FAT4: variants seen among roughly 807,000 people sequenced by gnomAD.
FAT4 encodes protocadherin Fat 4.
Under a neutral mutation model 303.9 loss-of-function variants are expected in FAT4, and 84 were observed. That is an observed-to-expected ratio of 0.28 (90% CI 0.23 to 0.33). FAT4 has a LOEUF of 0.33. FAT4 is among the 10% of genes least tolerant of loss of function. The pLI, the probability that FAT4 is intolerant of heterozygous loss-of-function variation, is 1.00. For synonymous variants in FAT4, 2,307 were observed against 2,298.8 expected (o/e 1.00, Z -0.10); for missense variants, 6,005 against 6,146.8 (o/e 0.98, Z 0.77).
At chr4:125,348,858 G>A (rs1732106351) in intron 2 of FAT4, among the ~76,000 whole-genome samples, 1 of 151,636 alleles carries the variant, frequency 6.6e-6, no homozygotes, top group African/African-American at 2.4e-5. Context: ...GAAAACTGCA[G>A]GCATATTTTA....
chr4:125,456,111 CG>C (rs1237781745), intron 10 of FAT4, among the ~76,000 whole-genome samples: 4 of 152,090 alleles, frequency 2.6e-5, no homozygotes, highest in Non-Finnish European at 5.9e-5. Flanking sequence ...ACTTGAACCC[CG>C]CTGGAAGGGA....
chr4:125,477,648 G>C (rs999608760), intron 14 of FAT4, among the ~76,000 whole-genome samples: 1 of 151,452 alleles, frequency 6.6e-6, no homozygotes, highest in Non-Finnish European at 1.5e-5. Context: ...TATAAAAAAG[G>C]GTTCCAGCAC....
chr4:125,367,811 T>C (rs571389655), intron 2 of FAT4, among the ~76,000 whole-genome samples: 2 of 152,244 alleles, frequency 1.3e-5, no homozygotes, highest in East Asian at 3.9e-4. Context: ...TACTGCAAAA[T>C]AGTATATGCA....
At chr4:125,422,893 A>T (rs1026602250) in intron 7 of FAT4, among the ~76,000 whole-genome samples, 7 of 152,166 alleles carry the variant, frequency 4.6e-5, no homozygotes, top group South Asian at 2.1e-4. Flanking sequence ...ATGGAAAATG[A>T]AGTCCAGGCT....
chr4:125,404,548 A>T (rs1345520551), intron 3 of FAT4, among the ~76,000 whole-genome samples: 1 of 152,124 alleles, frequency 6.6e-6, no homozygotes, highest in African/African-American at 2.4e-5. Context: ...TATTCATTTG[A>T]TACGCTTTTA....
intron 15 of FAT4, 25 bp downstream of exon 15, chr4:125,479,890 C>CA: frequency 6.7e-7 from 1 of 1,486,262 alleles, no homozygotes; most frequent in Admixed American, 1.9e-5. Context: ...CCGTCTTCCC[C>CA]TGGAAATTTT....
chr4:125,398,751 G>T (rs1238679072), intron 2 of FAT4, 33 bp from the exon 3 acceptor site: 10 of 1,609,554 alleles, frequency 6.2e-6, no homozygotes, highest in Non-Finnish European at 7.6e-6. Context: ...ACACGTGGGA[G>T]TCATTCACAC....
Position 125,450,924 on chromosome 4 carries a change from A to T in FAT4, c.9914A>T (p.Tyr3305Phe). Residue 3305 changes from tyrosine (Y) to phenylalanine (F), a missense_variant, in exon 10 of 18, where the codon TAC (tyrosine) becomes TTC (phenylalanine). Transcript: ENST00000394329. ...EYVPRFVSKLYYFEISEAAPK... is the reference protein window; with the variant it reads ...EYVPRFVSKLFYFEISEAAPK... Reference sequence around the variant, plus strand: ...GTGCCCCGTTTTGTTTCCAAACTTTACTATTTTGAAATCTCAGAAGCAGCT... The same window carrying T: ...GTGCCCCGTTTTGTTTCCAAACTTTTCTATTTTGAAATCTCAGAAGCAGCT... The T allele has an allele frequency of 6.2e-7, 1 of 1,614,088 alleles. No homozygotes were observed. Among genetic ancestry groups the T allele is most frequent in the Non-Finnish European group, 8.5e-7 (1 of 1,180,014 alleles).
In FAT4 at chr4:125,415,194, A is replaced by G; in HGVS notation, c.6231A>G (p.Pro2077=). The G allele has an allele frequency of 6.2e-7, 1 of 1,614,136 alleles. No individual in the cohort carries two copies. Among genetic ancestry groups the G allele is most frequent in the Non-Finnish European group, 8.5e-7 (1 of 1,179,990 alleles). ...TVVFKAQATD[P]DSGPNSYIEY... ...TTTTCAAAGCTCAAGCAACTGACCC[A>G]GATAGTGGCCCAAACAGCTATATTG... Residue 2077 remains proline (P), a synonymous_variant, in exon 6 of 18, where the codon CCA becomes CCG. Transcript: ENST00000394329.
At chr4:125,464,354 CA>C (rs1452027203) in intron 11 of FAT4, among the ~76,000 whole-genome samples, 2 of 152,016 alleles carry the variant, frequency 1.3e-5, no homozygotes, top group African/African-American at 4.8e-5. Context: ...CTGTGCCAGC[CA>C]AAAACCATGA....
intron 10 of FAT4, among the ~76,000 whole-genome samples, chr4:125,457,857 C>T (rs10518465): frequency 0.057 from 8,594 of 151,998 alleles, 318 homozygotes; most frequent in South Asian, 0.15. Flanking sequence ...AGCCTAATAA[C>T]GACACATGTA....
At chr4:125,422,993 C>G (rs1724960180) in intron 7 of FAT4, among the ~76,000 whole-genome samples, 1 of 152,116 alleles carries the variant, frequency 6.6e-6, no homozygotes, top group African/African-American at 2.4e-5. Context: ...CATTTTGCCC[C>G]TGCCCTAGAG....
rs1383748341 is a variant in FAT4, at chr4:125,320,244, C to T, written c.3833C>T (p.Thr1278Ile). 2 of 1,614,028 alleles carry T rather than the reference C, an allele frequency of 1.2e-6. No homozygotes were observed. The highest frequency in any genetic ancestry group is 3.3e-5 in the Admixed American group (2 of 60,004). Residue 1278 changes from threonine (T) to isoleucine (I), a missense_variant, in exon 2 of 18, where the codon ACA becomes ATA. By Grantham distance (89) the Thr-to-Ile change is moderately conservative. Transcript: ENST00000394329. ...ATTGGCAAATTAGACTATGAAGCAA[C>T]ACCTGCCTATTCCCTTGTAATTCAA... Reference protein sequence around the residue: ...TLIGKLDYEATPAYSLVIQAV... With the variant: ...TLIGKLDYEAIPAYSLVIQAV...
chr4:125,330,164 A>G (rs1043444296), intron 2 of FAT4, among the ~76,000 whole-genome samples: 1 of 152,154 alleles, frequency 6.6e-6, no homozygotes, highest in Non-Finnish European at 1.5e-5. Flanking sequence ...TTCCTTCTGC[A>G]TAGAACACCC....
chr4:125,339,643 T>C (rs1004785017), intron 2 of FAT4, among the ~76,000 whole-genome samples: 2 of 152,156 alleles, frequency 1.3e-5, no homozygotes, highest in East Asian at 3.9e-4. Context: ...TATTCAAACC[T>C]CAAAATAATG....
At chr4:125,419,506 TCTC>T (rs1190859145) in intron 7 of FAT4, among the ~76,000 whole-genome samples, 1 of 152,192 alleles carries the variant, frequency 6.6e-6, no homozygotes, top group Non-Finnish European at 1.5e-5. Flanking sequence ...GCCTATCTTT[TCTC>T]CTGCATGGTG....
At chr4:125,486,031 T>C (rs1232747479) in intron 16 of FAT4, among the ~76,000 whole-genome samples, 1 of 152,166 alleles carries the variant, frequency 6.6e-6, no homozygotes, top group African/African-American at 2.4e-5. Flanking sequence ...CTTATATTCT[T>C]ATCCACCCCA....
At position 125,316,345 on chromosome 4, in the gene FAT4, G is replaced by T. The variant is rs1362213353; in HGVS notation, c.-12-55G>T. The stretch of plus-strand genomic sequence containing the variant: ...TCTTTGCTGGCGCTCCTTAATCCCT[G>T]TAAATATCATTGCGTTTGCTTCACC... On this transcript the variant is annotated intron_variant, in intron 1 of 17. Transcript: ENST00000394329. The surrounding 1 kb of genome is among the most constrained non-coding windows in gnomAD (Gnocchi z 5.7). The T allele has an allele frequency of 5.9e-6, 9 of 1,526,450 alleles. No individual in the cohort carries two copies. The highest frequency in any genetic ancestry group is 7.9e-6 in the Non-Finnish European group (9 of 1,138,270). 94.6% of individuals were successfully genotyped at this position (1,526,450 alleles called of 1,614,324 possible).
intron 3 of FAT4, among the ~76,000 whole-genome samples, chr4:125,406,654 A>G (rs917751573): frequency 6.6e-6 from 1 of 152,096 alleles, no homozygotes; most frequent in Non-Finnish European, 1.5e-5. Context: ...ATTTGTTTGT[A>G]TCTTTGTTGA....
Sources: gnomAD v4.1 joint callset for allele counts (sites outside exome capture counted in the v4.1 genomes callset) on GRCh38, gnomAD v4.1.1 for gene constraint, Gnocchi (gnomAD v3.1) non-coding constraint, MANE v1.5 for transcripts, NCBI Gene and HGNC (gene_info 2026-07-23, HGNC 2026-07-21) for gene names.